PACS1: variants seen among roughly 807,000 people sequenced by gnomAD.
The protein encoded by PACS1 is PACS-1.
Under a neutral mutation model 115.0 loss-of-function variants are expected in PACS1, and 24 were observed. The ratio of observed to expected loss-of-function variants is 0.21; its 90% confidence interval spans 0.15 to 0.29. The LOEUF (loss-of-function observed/expected upper bound fraction) is 0.29, where lower values mean the gene tolerates loss of function less well. Ranked by LOEUF, PACS1 falls within the 10% of genes least tolerant of loss-of-function variation. PACS1 has a pLI of 1.00. For synonymous variants in PACS1, 453 were observed against 504.5 expected, an observed-to-expected ratio of 0.90 and a Z score of 1.37; for missense variants, 838 against 1,251.2, an observed-to-expected ratio of 0.67 and a Z score of 4.98.
chr11:66,235,973 C>T lies in PACS1; in HGVS notation c.2250+33C>T. ...CTGACTCCCTCTGCTTGGCACCCCA[C>T]CCGTTCTCCTGGTCTTCCTGTTCCC... is the stretch of plus-strand genomic sequence containing the variant. On this transcript the variant is annotated intron_variant, in intron 19 of 23. Transcript: ENST00000320580. The surrounding 1 kb of genome is among the most constrained non-coding windows in gnomAD (Gnocchi z 5.6). 2 of 1,593,742 alleles carry T rather than the reference C, an allele frequency of 1.3e-6. No individual in the cohort carries two copies. The highest frequency in any genetic ancestry group is 2.2e-5 in the South Asian group (2 of 90,682).
At chr11:66,109,802 A>G (rs1858146014) in intron 1 of PACS1, among the ~76,000 whole-genome samples, 1 of 152,194 alleles carries the variant, frequency 6.6e-6, no homozygotes, top group African/African-American at 2.4e-5. Context: ...CTTTCTACAA[A>G]GGCAATTCCT....
intron 1 of PACS1, among the ~76,000 whole-genome samples, chr11:66,157,308 TTGAAAAC>T (rs1385750680): frequency 6.6e-6 from 1 of 152,182 alleles, no homozygotes; most frequent in African/African-American, 2.4e-5. Context: ...CTACAAAATT[TTGAAAAC>T]TGAAATGTAG....
intron 1 of PACS1, among the ~76,000 whole-genome samples, chr11:66,111,381 C>A (rs1019210445): frequency 6.6e-6 from 1 of 152,196 alleles, no homozygotes; most frequent in Admixed American, 6.5e-5. Context: ...TAATCCACTT[C>A]TTAGCTTCAG....
Position 66,070,991 on chromosome 11 carries a change from C to G in PACS1, c.356+149C>G. On this transcript the variant is annotated intron_variant, in intron 1 of 23. Transcript: ENST00000320580. This position sits in a 1 kb window ranked among gnomAD's most constrained non-coding sequence, Gnocchi z 5.9. Reference sequence around the variant, plus strand: ...CTGGCTCCAGCCAGGCCTCCCGGGACTCCTGCCACGGGGACCCGCCCTCTC... The same window carrying G: ...CTGGCTCCAGCCAGGCCTCCCGGGAGTCCTGCCACGGGGACCCGCCCTCTC... 1.2e-6 allele frequency: 1 copy of G among 817,806 alleles called. No homozygotes were observed. The highest frequency in any genetic ancestry group is 1.7e-6 in the Non-Finnish European group (1 of 584,954). The allele number at this position is 817,806 out of a possible 1,614,324, so 50.7% of individuals were successfully genotyped here.
chr11:66,132,104 T>G (rs1203853539), intron 1 of PACS1, among the ~76,000 whole-genome samples: 2 of 152,186 alleles, frequency 1.3e-5, no homozygotes, highest in South Asian at 2.1e-4. Context: ...AATCTCATCT[T>G]GAATTGTAAT....
chr11:66,190,068 C>G lies in PACS1; in HGVS notation c.357-3418C>G, dbSNP rs538770212. The stretch of plus-strand genomic sequence containing the variant: ...ATCAGAGATTGCCAGTTTCCCAAAA[C>G]CTTTCTTGTGCCGATGAACTTTCTC... On this transcript the variant is annotated intron_variant, in intron 1 of 23. Coordinates refer to ENST00000320580, the MANE Select transcript of PACS1 (RefSeq NM_018026.4). 1.1e-4 allele frequency among the ~76,000 whole-genome samples: 16 copies of G among 152,306 alleles called. No homozygotes were observed. In the South Asian group the frequency reaches 3.3e-3, roughly 32 times the overall value.
chr11:66,166,230 C>G (rs775352086), intron 1 of PACS1, among the ~76,000 whole-genome samples: 3 of 152,160 alleles, frequency 2.0e-5, no homozygotes, highest in Non-Finnish European at 4.4e-5. Flanking sequence ...TCACTGCAAC[C>G]TCTGCCTCCC....
rs536362897 is a variant in PACS1, at chr11:66,236,918, C to T, written c.2250+978C>T. ...CTGGGACCATAGGTACATGCCACCACGCCTGGCTAATTTTTTTTTGAGACA... is the reference window on the plus strand; with the variant it reads ...CTGGGACCATAGGTACATGCCACCATGCCTGGCTAATTTTTTTTTGAGACA... On this transcript the variant is annotated intron_variant, in intron 19 of 23. Transcript: ENST00000320580. The surrounding 1 kb of genome is among the most constrained non-coding windows in gnomAD (Gnocchi z 4.2). Among the ~76,000 whole-genome samples the T allele has an allele frequency of 3.3e-5, 5 of 152,050 alleles. No individual in the cohort carries two copies. In the South Asian group the frequency reaches 6.3e-4, roughly 19 times the overall value.
chr11:66,220,660 C>T lies in PACS1; in HGVS notation c.1068C>T (p.Arg356=), dbSNP rs781528506. The T allele has an allele frequency of 1.5e-5, 25 of 1,614,008 alleles. No individual in the cohort carries two copies. Among genetic ancestry groups the T allele is most frequent in the African/African-American group, 4.0e-5 (3 of 74,888 alleles). The stretch of plus-strand genomic sequence containing the variant: ...GCTTTGGGCTGGAGCATGTGTCCCG[C>T]GAGCAGATCCGGGAAGTGGAAGAGG... ...EVGFGLEHVS[R]EQIREVEEDL... is the part of the protein sequence containing the mutation. The change falls in exon 9 of 24, where the codon CGC becomes CGT. Residue 356 remains arginine (R), a synonymous_variant. Coordinates refer to ENST00000320580, the MANE Select transcript of PACS1 (RefSeq NM_018026.4).
chr11:66,091,003 C>G (rs1003346274), intron 1 of PACS1, among the ~76,000 whole-genome samples: 1 of 152,066 alleles, frequency 6.6e-6, no homozygotes, highest in Non-Finnish European at 1.5e-5. Flanking sequence ...AATATGATTT[C>G]TCCACCCCAG....
chr11:66,184,912 C>T (rs75050982), intron 1 of PACS1, among the ~76,000 whole-genome samples: 3,592 of 152,214 alleles, frequency 0.024, 131 homozygotes, highest in African/African-American at 0.081. Context: ...CTCTGTCCTT[C>T]CTGCTGGTGG....
At chr11:66,113,521 A>G (rs1590752898) in intron 1 of PACS1, among the ~76,000 whole-genome samples, 1 of 152,348 alleles carries the variant, frequency 6.6e-6, no homozygotes, top group East Asian at 1.9e-4. Context: ...ATACTTTTAC[A>G]ACGTAACAAG....
chr11:66,102,769 T>C (rs546198500), intron 1 of PACS1, among the ~76,000 whole-genome samples: 2 of 152,316 alleles, frequency 1.3e-5, no homozygotes, highest in East Asian at 3.9e-4. Context: ...ATTTTCTCTT[T>C]GTAGGTTGGA....
intron 19 of PACS1, among the ~76,000 whole-genome samples, chr11:66,237,310 C>T (rs1406938585): frequency 6.6e-6 from 1 of 152,260 alleles, no homozygotes; most frequent in Non-Finnish European, 1.5e-5. Flanking sequence ...GATCCACCTG[C>T]CTCAGCCTCC....
intron 2 of PACS1, among the ~76,000 whole-genome samples, chr11:66,202,595 T>C (rs1283043514): frequency 1.3e-5 from 2 of 151,462 alleles, no homozygotes; most frequent in Non-Finnish European, 2.9e-5. Context: ...ATAATCTCAA[T>C]TGATGCCAAA....
At chr11:66,176,347 T>C (rs539829282) in intron 1 of PACS1, among the ~76,000 whole-genome samples, 10 of 152,266 alleles carry the variant, frequency 6.6e-5, no homozygotes, top group African/African-American at 2.4e-4. Context: ...AAAGAGAGTA[T>C]ATCTGCATTT....
At chr11:66,172,207 T>G (rs1435929746) in intron 1 of PACS1, among the ~76,000 whole-genome samples, 1 of 152,220 alleles carries the variant, frequency 6.6e-6, no homozygotes, top group African/African-American at 2.4e-5. Flanking sequence ...GACCTTTCCT[T>G]ACTTTTACGG....
At chr11:66,146,287 A>G (rs138178079) in intron 1 of PACS1, among the ~76,000 whole-genome samples, 17 of 152,340 alleles carry the variant, frequency 1.1e-4, no homozygotes, top group African/African-American at 3.6e-4. Context: ...AATACAGGAA[A>G]CTATGCATGT....
At chr11:66,200,093 T>C (rs375694427) in intron 2 of PACS1, among the ~76,000 whole-genome samples, 2 of 151,502 alleles carry the variant, frequency 1.3e-5, no homozygotes, top group African/African-American at 4.8e-5. Context: ...CTCATGCCTA[T>C]AATCCCAGCA....
Sources: allele counts gnomAD v4.1 joint callset (sites outside exome capture counted in the v4.1 genomes callset), GRCh38; gene constraint gnomAD v4.1.1; non-coding constraint Gnocchi (gnomAD v3.1); transcripts MANE v1.5; gene names NCBI Gene and HGNC (gene_info 2026-07-23, HGNC 2026-07-21).